The following DUSP22 variants were observed in gnomAD, a reference collection of about 807,000 sequenced individuals.
DUSP22 encodes the protein dual specificity protein phosphatase 22.
DUSP22 carries 24 observed loss-of-function variants against 24.5 expected under a neutral mutation model. That is an observed-to-expected ratio of 0.98 (90% confidence interval 0.71 to 1.38). The LOEUF is 1.38. Ranked by LOEUF, DUSP22 falls within the 40% of genes most tolerant of loss-of-function variation. DUSP22 has a pLI of 0.00. For missense variants in DUSP22, 330 were observed against 269.2 expected (o/e 1.23, Z -1.58); for synonymous variants, 160 against 106.4 (o/e 1.50, Z -3.10).
chr6:349,572 G>T lies in DUSP22; in HGVS notation c.*621G>T. On this transcript the variant is annotated 3_prime_UTR_variant, in exon 7 of 7. Coordinates refer to ENST00000419235, the MANE Select transcript of DUSP22 (RefSeq NM_001286555.3). Reference sequence around the variant, plus strand: ...AGAACCCACCCAGGGTGGTGTGGTGGGGGCAACAGGGGCCAGACTCCTCTA... The same window carrying T: ...AGAACCCACCCAGGGTGGTGTGGTGTGGGCAACAGGGGCCAGACTCCTCTA... 1 of 988,944 alleles carries T rather than the reference G, an allele frequency of 1.0e-6. No individual in the cohort carries two copies. Among genetic ancestry groups the T allele is most frequent in the Non-Finnish European group, 1.2e-6 (1 of 832,558 alleles). 61.3% of individuals were successfully genotyped at this position (988,944 alleles called of 1,614,324 possible).
rs1757654123 is a variant in DUSP22 at position 302,990 on chromosome 6, G to A, written c.22-1638G>A. On this transcript the variant is annotated intron_variant, in intron 1 of 6. Transcript: ENST00000419235. ...TCTCTGCTCGCACTGGACTCGGTCG[G>A]GCAAGGACCAGGCCTTGTTGAGAAA... Among the ~76,000 whole-genome samples, 4 of 152,302 alleles carry A rather than the reference G, an allele frequency of 2.6e-5. No homozygotes were observed. In the South Asian group the frequency reaches 8.3e-4, roughly 32 times the overall value.
intron 4 of DUSP22, among the ~76,000 whole-genome samples, chr6:336,654 C>T (rs540213377): frequency 1.3e-5 from 2 of 152,424 alleles, no homozygotes; most frequent in Admixed American, 1.3e-4. Context: ...ACTGTGTGCT[C>T]CCCAGGGGCT....
Position 301,067 on chromosome 6 carries a change from A to G in DUSP22, c.22-3561A>G, listed in dbSNP as rs918504590. 3.9e-5 allele frequency among the ~76,000 whole-genome samples: 6 copies of G among 152,304 alleles called. No homozygotes were observed. In the East Asian group the frequency reaches 9.6e-4, roughly 24 times the overall value. ...GACTTGTTACACGTGGGTCACACCC[A>G]TGTAGCAGCAAAGGCTTACGTGAGC... On this transcript the variant is annotated intron_variant, in intron 1 of 6. Transcript: ENST00000419235.
In DUSP22 at chr6:350,822, C is replaced by T. The variant is rs534105865; in HGVS notation, c.*1871C>T. On this transcript the variant is annotated 3_prime_UTR_variant, in exon 7 of 7. Transcript: ENST00000419235. ...TGCCAGTAATGTTCTTTCTTCACAGCCGCTCCGGGAATTCTGAAGTTCTGG... is the reference window on the plus strand; with the variant it reads ...TGCCAGTAATGTTCTTTCTTCACAGTCGCTCCGGGAATTCTGAAGTTCTGG... 8.7e-6 allele frequency: 14 copies of T among 1,614,130 alleles called. No individual in the cohort carries two copies. In the Admixed American group the frequency reaches 1.0e-4, roughly 12 times the overall value.
At chr6:309,191 C>T (rs912285731) in intron 2 of DUSP22, among the ~76,000 whole-genome samples, 2 of 152,302 alleles carry the variant, frequency 1.3e-5, no homozygotes, top group Admixed American at 1.3e-4. Flanking sequence ...ATGTAGATGG[C>T]TCTCATCCAT....
chr6:298,052 T>C (rs1385221031), intron 1 of DUSP22, among the ~76,000 whole-genome samples: 3 of 152,302 alleles, frequency 2.0e-5, no homozygotes, highest in African/African-American at 7.2e-5. Flanking sequence ...CAGCCACTGC[T>C]GCAGGACTGA....
chr6:332,957 G>A (rs1399557556), intron 3 of DUSP22, among the ~76,000 whole-genome samples: 3 of 152,304 alleles, frequency 2.0e-5, no homozygotes, highest in African/African-American at 7.2e-5. Context: ...GGAAAGAAGT[G>A]AATGAGTCAT....
At position 325,614 on chromosome 6, in the gene DUSP22, A is replaced by G. The variant is rs542595338; in HGVS notation, c.139-9500A>G. ...TGCATCCTGGTGTGTGCAATGCTGT[A>G]TCTGCTGGTGCCTGGAGTCATCTGC... On this transcript the variant is annotated intron_variant, in intron 3 of 6. Transcript: ENST00000419235. 2.1e-5 allele frequency: 4 copies of G among 193,158 alleles called. No homozygotes were observed. The South Asian group carries it at 2.7e-4, about 13-fold the overall frequency. 12.0% of individuals were successfully genotyped at this position (193,158 alleles called of 1,614,324 possible).
At chr6:327,670 G>T (rs1758944790) in intron 3 of DUSP22, among the ~76,000 whole-genome samples, 1 of 152,308 alleles carries the variant, frequency 6.6e-6, no homozygotes, top group Non-Finnish European at 1.5e-5. Context: ...CCAGCGTGGG[G>T]CTGAAGTCTG....
intron 2 of DUSP22, among the ~76,000 whole-genome samples, chr6:310,757 T>C (rs116599972): frequency 8.1e-3 from 1,237 of 151,944 alleles, no homozygotes; most frequent in African/African-American, 0.028. Context: ...ATATCCCTAA[T>C]ATTATGTGTC....
At chr6:339,335 A>G (rs1220824688) in intron 4 of DUSP22, among the ~76,000 whole-genome samples, 1 of 152,310 alleles carries the variant, frequency 6.6e-6, no homozygotes, top group Non-Finnish European at 1.5e-5. Flanking sequence ...TTTTTATAGT[A>G]TTAGGTGAGA....
chr6:305,756 C>T (rs1458212220), intron 2 of DUSP22, among the ~76,000 whole-genome samples: 3 of 152,298 alleles, frequency 2.0e-5, no homozygotes, highest in Admixed American at 6.5e-5. Flanking sequence ...TGGGAGAGAC[C>T]TGGGAAGCTT....
intron 3 of DUSP22, 114 bp downstream of exon 3, chr6:312,076 C>T: frequency 8.8e-7 from 1 of 1,140,058 alleles, no homozygotes; most frequent in Non-Finnish European, 1.2e-6. Flanking sequence ...CTCCTGTGAT[C>T]TCTGGCGGCA....
chr6:319,383 A>G (rs543038359), intron 3 of DUSP22, among the ~76,000 whole-genome samples: 1 of 152,178 alleles, frequency 6.6e-6, no homozygotes, highest in African/African-American at 2.4e-5. Flanking sequence ...CCTGTTGTCC[A>G]CGGCCGATTG....
chr6:349,466 C>T lies in DUSP22; in HGVS notation c.*515C>T. 1 of 1,008,666 alleles carries T rather than the reference C, an allele frequency of 9.9e-7. No homozygotes were observed. The highest frequency in any genetic ancestry group is 1.2e-6 in the Non-Finnish European group (1 of 844,556). 62.5% of individuals were successfully genotyped at this position (1,008,666 alleles called of 1,614,324 possible). A position where few individuals can be genotyped will look rare whatever the true frequency, so the allele number is the denominator to read the frequency against. Reference sequence around the variant, plus strand: ...GCATTTGAGCTCGACCTCCGAAAAGCTACCCAGCAAAGAGCAGTCTGTGCC... The same window carrying T: ...GCATTTGAGCTCGACCTCCGAAAAGTTACCCAGCAAAGAGCAGTCTGTGCC... On this transcript the variant is annotated 3_prime_UTR_variant, in exon 7 of 7. Coordinates refer to ENST00000419235, the MANE Select transcript of DUSP22 (RefSeq NM_001286555.3).
intron 4 of DUSP22, among the ~76,000 whole-genome samples, chr6:339,129 T>G (rs1254132150): frequency 1.3e-5 from 2 of 152,312 alleles, no homozygotes; most frequent in Non-Finnish European, 2.9e-5. Context: ...TTTGCATGAT[T>G]TTGTCATGAT....
chr6:321,303 T>C (rs1389318851), intron 3 of DUSP22, among the ~76,000 whole-genome samples: 1 of 152,262 alleles, frequency 6.6e-6, no homozygotes, highest in Non-Finnish European at 1.5e-5. Context: ...AGCAAAGACA[T>C]TGTTTGTTAA....
intron 4 of DUSP22, among the ~76,000 whole-genome samples, chr6:342,025 A>T (rs1759631772): frequency 1.3e-5 from 2 of 152,308 alleles, no homozygotes; most frequent in Admixed American, 1.3e-4. Flanking sequence ...TCAAAGTGAG[A>T]TATAAGAAGT....
chr6:333,779 C>T (rs549360792), intron 3 of DUSP22, among the ~76,000 whole-genome samples: 18 of 152,400 alleles, frequency 1.2e-4, no homozygotes, highest in African/African-American at 3.1e-4. Context: ...CCCCGCCCTG[C>T]GCCCACGAAG....
Sources: allele counts gnomAD v4.1 joint callset (sites outside exome capture counted in the v4.1 genomes callset), GRCh38; gene constraint gnomAD v4.1.1; transcripts MANE v1.5; gene names NCBI Gene and HGNC (gene_info 2026-07-23, HGNC 2026-07-21).